Variants in CEP350 observed in about 807,000 individuals in gnomAD.
CEP350 encodes centrosome-associated protein 350.
A neutral mutation model predicts 331.8 loss-of-function variants in CEP350; 126 were observed. The ratio of observed to expected loss-of-function variants is 0.38; its 90% CI spans 0.33 to 0.44. The LOEUF (loss-of-function observed/expected upper bound fraction) is 0.44, where lower values mean the gene tolerates loss of function less well. Ranked by LOEUF, CEP350 falls within the 20% of genes least tolerant of loss-of-function variation. The probability of loss-of-function intolerance (pLI) is 1.00; values close to 1 mark genes in which losing one functional copy is unlikely to be tolerated. For missense variants in CEP350, 3,406 were observed against 3,634.6 expected, an observed-to-expected ratio of 0.94 and a Z score of 1.62; for synonymous variants, 1,200 against 1,259.5, an observed-to-expected ratio of 0.95 and a Z score of 1.00.
intron 1 of CEP350, among the ~76,000 whole-genome samples, chr1:179,968,248 T>C (rs946024884): frequency 4.0e-5 from 6 of 151,690 alleles, no homozygotes; most frequent in Non-Finnish European, 8.8e-5. Flanking sequence ...AGAGAATCGC[T>C]TGATCCCGGG....
intron 1 of CEP350, among the ~76,000 whole-genome samples, chr1:179,960,343 A>G (rs1391253511): frequency 6.6e-6 from 1 of 152,234 alleles, no homozygotes; most frequent in Admixed American, 6.5e-5. Context: ...CATAGATGGT[A>G]GCCCTGGTGG....
At chr1:180,084,656 G>A (rs1054934299) in intron 31 of CEP350, among the ~76,000 whole-genome samples, 2 of 152,074 alleles carry the variant, frequency 1.3e-5, no homozygotes, top group Non-Finnish European at 2.9e-5. Flanking sequence ...GAGCCACTGC[G>A]CCCAGCCAAA....
intron 1 of CEP350, chr1:179,968,958 T>G (rs1571788007): frequency 1.3e-6 from 1 of 758,092 alleles, no homozygotes; most frequent in Non-Finnish European, 2.4e-6. Flanking sequence ...ACTGCTTTAC[T>G]CCTGGAACCT....
chr1:180,008,214 A>G (rs1654391154), intron 8 of CEP350, among the ~76,000 whole-genome samples: 1 of 152,212 alleles, frequency 6.6e-6, no homozygotes, highest in Non-Finnish European at 1.5e-5. Context: ...TAGATCAAGA[A>G]TGGAAAAAAG....
At chr1:180,105,603 G>T (rs1661100273) in intron 37 of CEP350, among the ~76,000 whole-genome samples, 2 of 152,066 alleles carry the variant, frequency 1.3e-5, no homozygotes, top group Non-Finnish European at 2.9e-5. Flanking sequence ...TCATGAAAGG[G>T]TATCAAAGGC....
At chr1:180,054,225 A>G (rs757760657) in intron 24 of CEP350, among the ~76,000 whole-genome samples, 190 bp from the exon 25 acceptor site, 10 of 152,188 alleles carry the variant, frequency 6.6e-5, no homozygotes, top group Non-Finnish European at 1.5e-4. Context: ...GACACATTCT[A>G]GGGCTTGCAT....
intron 30 of CEP350, among the ~76,000 whole-genome samples, chr1:180,081,800 T>C (rs1659584814): frequency 6.6e-6 from 1 of 152,240 alleles, no homozygotes; most frequent in East Asian, 1.9e-4. Context: ...GTATGTGATA[T>C]CATATATCAT....
At position 180,013,898 on chromosome 1, in the gene CEP350, G is replaced by A; in HGVS notation, c.1445G>A (p.Arg482Lys). 1 of 1,613,542 alleles carries A rather than the reference G, an allele frequency of 6.2e-7. No homozygotes were observed. The highest frequency in any genetic ancestry group is 8.5e-7 in the Non-Finnish European group (1 of 1,179,786). The change falls in exon 10 of 38, where the codon AGA (arginine) becomes AAA (lysine). Residue 482 changes from arginine (R) to lysine (K), a missense_variant. This residue lies in a region of CEP350 where 1,857 missense variants were observed against 1,909.2 expected (regional missense o/e 0.97). Transcript: ENST00000367607. ...ESDPRLDVLH[R>K]HLQRNSERSR... ...GATCCCAGGTTGGACGTTTTACATA[G>A]ACATCTTCAAAGAAACTCAGAACGT...
In CEP350 at chr1:179,986,166, C is replaced by T; in HGVS notation, c.-13-3C>T. 6.5e-7 allele frequency: 1 copy of T among 1,548,448 alleles called. No individual in the cohort carries two copies. The highest frequency in any genetic ancestry group is 8.7e-7 in the Non-Finnish European group (1 of 1,144,806). The stretch of plus-strand genomic sequence containing the variant: ...TGTTCGGTGAATACTGATGTGATTG[C>T]AGGTAAATTGGCAGGATGAGGAGCA... On this transcript the variant is annotated splice_region_variant and splice_polypyrimidine_tract_variant and intron_variant, in intron 1 of 37. Transcript: ENST00000367607.
Position 180,090,724 on chromosome 1 carries a change from G to T in CEP350, c.6436G>T (p.Ala2146Ser), listed in dbSNP as rs534914268. The T allele has an allele frequency of 3.2e-5, 50 of 1,549,930 alleles. 1 individual carries two copies. The African/African-American group carries it at 3.8e-4, about 12-fold the overall frequency. ...ATTTTTACACGTCAGATCTGAAACG[G>T]CAAAGAATTGGAAATCACTAACAGA... ...PLTPLHRSET[A>S]KNWKSLTESE... Residue 2146 changes from alanine to serine, a missense_variant, in exon 33 of 38, where the codon GCA becomes TCA. By Grantham distance (99) the Ala-to-Ser change is moderately conservative. This residue lies in a region of CEP350 where 1,415 missense variants were observed against 1,512.3 expected (regional missense o/e 0.94). Coordinates refer to ENST00000367607, the MANE Select transcript of CEP350 (RefSeq NM_014810.5).
chr1:180,039,072 C>T (rs1656566213), intron 17 of CEP350, among the ~76,000 whole-genome samples: 2 of 150,522 alleles, frequency 1.3e-5, no homozygotes, highest in African/African-American at 4.9e-5. Flanking sequence ...CAAAAATTAG[C>T]CATCCACCGT....
In CEP350 at chr1:180,039,545, C is replaced by T. The variant is rs544675646; in HGVS notation, c.4111-1593C>T. On this transcript the variant is annotated intron_variant, in intron 17 of 37. Coordinates refer to ENST00000367607, the MANE Select transcript of CEP350 (RefSeq NM_014810.5). Reference sequence around the variant, plus strand: ...ATTTTATTAAAAAGACTTAAATTACCTTGGTGCCTTTATCAATGATTAAGT... The same window carrying T: ...ATTTTATTAAAAAGACTTAAATTACTTTGGTGCCTTTATCAATGATTAAGT... Among the ~76,000 whole-genome samples, 5 of 152,156 alleles carry T rather than the reference C, an allele frequency of 3.3e-5. No individual in the cohort carries two copies. The South Asian group carries it at 6.2e-4, about 19-fold the overall frequency.
chr1:180,048,992 TA>T (rs1425518671), intron 22 of CEP350, among the ~76,000 whole-genome samples: 1 of 152,132 alleles, frequency 6.6e-6, no homozygotes, highest in African/African-American at 2.4e-5. Context: ...CACTTTAGCC[TA>T]GGATATCAAG....
chr1:180,037,039 G>C lies in CEP350; in HGVS notation c.4060G>C (p.Gly1354Arg), dbSNP rs1482321858. The change falls in exon 17 of 38, where the codon GGC becomes CGC. Residue 1354 changes from glycine (G) to arginine (R), a missense_variant. Around this residue, in one of 5 missense-constraint regions of CEP350, gnomAD observed 1,857 missense variants for 1,909.2 expected, o/e 0.97. Transcript: ENST00000367607. ...ACTGTCAGATGTAGAAAGAGTTAGA[G>C]GCATTTCACTTGCTCAGCAGGAGAG... ...RQLSDVERVR[G>R]ISLAQQESVS... 6.2e-7 allele frequency: 1 copy of C among 1,605,592 alleles called. No individual in the cohort carries two copies. Among genetic ancestry groups the C allele is most frequent in the East Asian group, 2.2e-5 (1 of 44,754 alleles).
rs1448097131 is a variant in CEP350 at position 179,990,637 on chromosome 1, C to T, written c.235+16C>T. 2 of 1,341,786 alleles carry T rather than the reference C, an allele frequency of 1.5e-6. No individual in the cohort carries two copies. The highest frequency in any genetic ancestry group is 1.3e-5 in the South Asian group (1 of 77,120). The allele number at this position is 1,341,786 out of a possible 1,614,324, so 83.1% of individuals were successfully genotyped here. On this transcript the variant is annotated intron_variant, in intron 4 of 37. Transcript: ENST00000367607. ...AGTAGAAAAGGTATGTATGAAGTTACTTCCAAATATATACATATATTAAAT... is the reference window on the plus strand; with the variant it reads ...AGTAGAAAAGGTATGTATGAAGTTATTTCCAAATATATACATATATTAAAT...
chr1:179,968,981 T>C (rs1651228035), intron 1 of CEP350: 1 of 757,918 alleles, frequency 1.3e-6, no homozygotes, highest in Non-Finnish European at 2.4e-6. Context: ...ACTAACCAGA[T>C]CCAGGCAGCC....
Position 180,099,022 on chromosome 1 carries a change from A to G in CEP350, c.9189+37A>G, listed in dbSNP as rs1419242343. On this transcript the variant is annotated intron_variant, in intron 37 of 37. Transcript: ENST00000367607. Reference sequence around the variant, plus strand: ...CAACCAAACTGTTTTTATTTTGACCATATCTTTTAAACTCAGAATGCAGTT... The same window carrying G: ...CAACCAAACTGTTTTTATTTTGACCGTATCTTTTAAACTCAGAATGCAGTT... The G allele has an allele frequency of 6.9e-6, 11 of 1,586,440 alleles. No individual in the cohort carries two copies. The African/African-American group carries it at 9.5e-5, about 14-fold the overall frequency.
At chr1:179,978,331 C>A (rs756770976) in intron 1 of CEP350, among the ~76,000 whole-genome samples, 2 of 152,118 alleles carry the variant, frequency 1.3e-5, no homozygotes, top group Non-Finnish European at 2.9e-5. Context: ...GTGTAGTGAT[C>A]AGATCAGGGT....
chr1:180,075,293 T>C (rs1659145140), intron 28 of CEP350, 72 bp downstream of exon 28: 1 of 1,422,488 alleles, frequency 7.0e-7, no homozygotes, highest in Non-Finnish European at 9.4e-7. Context: ...TTCATTACTT[T>C]TAAAAATGCG....
Sources: allele counts gnomAD v4.1 joint callset (sites outside exome capture counted in the v4.1 genomes callset), GRCh38; gene constraint gnomAD v4.1.1; regional missense constraint gnomAD v4.1.1; transcripts MANE v1.5; gene names NCBI Gene and HGNC (gene_info 2026-07-23, HGNC 2026-07-21).